The following PCDH15 variants were observed in gnomAD, a reference collection of about 807,000 sequenced individuals.
The protein encoded by PCDH15 is protocadherin related 15.
Under a neutral mutation model 178.5 loss-of-function variants are expected in PCDH15, and 129 were observed. That is an observed-to-expected ratio of 0.72 (90% CI 0.63 to 0.84). The LOEUF (loss-of-function observed/expected upper bound fraction) is 0.84, where lower values mean the gene tolerates loss of function less well. Among genes scored for constraint, PCDH15 ranks in the 40% least tolerant of loss-of-function variants. PCDH15 has a pLI of 0.00. For synonymous variants in PCDH15, 800 were observed against 732.0 expected, an observed-to-expected ratio of 1.09 and a Z score of -1.50; for missense variants, 2,230 against 2,099.9, an observed-to-expected ratio of 1.06 and a Z score of -1.21.
chr10:54,319,795 A>G (rs1178359598), intron 7 of PCDH15, among the ~76,000 whole-genome samples: 1 of 151,812 alleles, frequency 6.6e-6, no homozygotes, highest in Non-Finnish European at 1.5e-5. Flanking sequence ...TTAAAAAAAA[A>G]GTCCCTCTTG....
chr10:54,020,622 G>C (rs1565034223), intron 19 of PCDH15, among the ~76,000 whole-genome samples: 1 of 151,694 alleles, frequency 6.6e-6, no homozygotes, highest in African/African-American at 2.4e-5. Context: ...GAAAGATGGA[G>C]GCAGGGAGGA....
chr10:53,847,955 T>C (rs1337832550), intron 28 of PCDH15, among the ~76,000 whole-genome samples: 4 of 152,088 alleles, frequency 2.6e-5, no homozygotes, highest in Admixed American at 1.3e-4. Context: ...TAGACATATA[T>C]GGAAGCATCT....
chr10:54,064,986 A>C (rs1032933967), intron 18 of PCDH15, among the ~76,000 whole-genome samples: 1 of 152,132 alleles, frequency 6.6e-6, no homozygotes, highest in Non-Finnish European at 1.5e-5. Flanking sequence ...CATTTAGCCC[A>C]GGTCATACCT....
At chr10:53,876,892 G>A (rs943929306) in intron 26 of PCDH15, among the ~76,000 whole-genome samples, 1 of 152,086 alleles carries the variant, frequency 6.6e-6, no homozygotes, top group South Asian at 2.1e-4. Context: ...ATAGAGACAT[G>A]CCATCATAGT....
At chr10:54,407,980 G>T (rs1565195717) in intron 3 of PCDH15, among the ~76,000 whole-genome samples, 1 of 149,664 alleles carries the variant, frequency 6.7e-6, no homozygotes, top group Non-Finnish European at 1.5e-5. Context: ...ACTTGAACCC[G>T]GGAGGTGGAG....
chr10:54,018,117 C>T (rs1053333529), intron 20 of PCDH15, among the ~76,000 whole-genome samples: 6 of 151,978 alleles, frequency 3.9e-5, no homozygotes, highest in African/African-American at 1.2e-4. Context: ...ATTTGTAGTC[C>T]CTATAATATG....
intron 21 of PCDH15, among the ~76,000 whole-genome samples, chr10:53,988,669 TG>T (rs2091269432): frequency 2.0e-5 from 3 of 146,460 alleles, no homozygotes; most frequent in African/African-American, 2.4e-5. Flanking sequence ...CCATTTCCCC[TG>T]GCAAGACACT....
chr10:53,972,970 T>C (rs1045708016), intron 21 of PCDH15, among the ~76,000 whole-genome samples: 15 of 152,172 alleles, frequency 9.9e-5, no homozygotes, highest in Admixed American at 1.3e-4. Flanking sequence ...TAAATCATGC[T>C]GCTATAAAGA....
chr10:55,442,455 T>TTATATATATA (rs5785131), intron 2 of PCDH15, among the ~76,000 whole-genome samples: 4 of 121,148 alleles, frequency 3.3e-5, no homozygotes, highest in African/African-American at 9.4e-5. Context: ...CTTAATTTGA[T>TTATATATATA]TATATATATA....
intron 5 of PCDH15, among the ~76,000 whole-genome samples, chr10:54,351,505 ATTC>A (rs1410699778): frequency 6.6e-6 from 1 of 152,126 alleles, no homozygotes. Flanking sequence ...TCAATTAATT[ATTC>A]TTATTTATAT....
chr10:55,365,932 T>TA (rs1845347897), intron 2 of PCDH15, among the ~76,000 whole-genome samples: 1 of 152,040 alleles, frequency 6.6e-6, no homozygotes, highest in African/African-American at 2.4e-5. Context: ...TTCCACTCCT[T>TA]AGATTAGAAA....
At chr10:54,092,744 A>T (rs1216490616) in intron 15 of PCDH15, among the ~76,000 whole-genome samples, 1 of 152,130 alleles carries the variant, frequency 6.6e-6, no homozygotes, top group Non-Finnish European at 1.5e-5. Context: ...TAACATTTTG[A>T]AGAATCAGAG....
chr10:55,509,342 G>C (rs1291823591), intron 2 of PCDH15, among the ~76,000 whole-genome samples: 1 of 151,672 alleles, frequency 6.6e-6, no homozygotes, highest in African/African-American at 2.4e-5. Context: ...TAAACACTGG[G>C]TGTCCAAAAC....
chr10:54,686,818 A>G (rs1379243524), intron 1 of PCDH15, among the ~76,000 whole-genome samples: 2 of 152,190 alleles, frequency 1.3e-5, no homozygotes, highest in Non-Finnish European at 2.9e-5. Flanking sequence ...AAAGGAAACA[A>G]CAGAGTGAAG....
Position 54,285,414 on chromosome 10 carries a change from A to C in PCDH15, c.876+31857T>G, listed in dbSNP as rs149256032. On this transcript the variant is annotated intron_variant, in intron 8 of 37. Coordinates refer to ENST00000644397, the MANE Select transcript of PCDH15 (RefSeq NM_001384140.1). ...ATAACCTGATTAAACAATGGGCAAA[A>C]AAATCTGAATAGATATTTCTCAAAA... Among the ~76,000 whole-genome samples, 483 of 152,296 alleles carry C rather than the reference A, an allele frequency of 3.2e-3. 6 individuals are homozygous for C. Among genetic ancestry groups the C allele is most frequent in the African/African-American group, 9.0e-3 (374 of 41,570 alleles).
chr10:55,447,665 T>C (rs895714551), intron 2 of PCDH15, among the ~76,000 whole-genome samples: 8 of 152,066 alleles, frequency 5.3e-5, no homozygotes, highest in African/African-American at 1.7e-4. Context: ...AATATTTTTC[T>C]AACTTCAGGA....
chr10:55,298,330 A>G (rs1279280676), intron 1 of PCDH15, among the ~76,000 whole-genome samples: 1 of 152,194 alleles, frequency 6.6e-6, no homozygotes, highest in African/African-American at 2.4e-5. Context: ...CAGCTAACCA[A>G]TTTGTTTCTT....
chr10:55,207,604 T>C (rs1487518867), intron 1 of PCDH15, among the ~76,000 whole-genome samples: 1 of 152,196 alleles, frequency 6.6e-6, no homozygotes, highest in Non-Finnish European at 1.5e-5. Context: ...TAAGCATTTT[T>C]CTACTCAGAT....
At chr10:53,854,231 A>G (rs1589106391) in intron 28 of PCDH15, among the ~76,000 whole-genome samples, 1 of 152,024 alleles carries the variant, frequency 6.6e-6, no homozygotes, top group Non-Finnish European at 1.5e-5. Context: ...ATGTAGGAAG[A>G]CAAAAGGTTG....
Sources: gnomAD v4.1 joint callset for allele counts (sites outside exome capture counted in the v4.1 genomes callset) on GRCh38, gnomAD v4.1.1 for gene constraint, MANE v1.5 for transcripts, NCBI Gene and HGNC (gene_info 2026-07-23, HGNC 2026-07-21) for gene names.